Variants in MAOB observed in about 807,000 individuals in gnomAD.
MAOB encodes the protein monoamine oxidase B.
A neutral mutation model predicts 41.9 loss-of-function variants in MAOB; 15 were observed. The observed-to-expected ratio is 0.36, with a 90% CI of 0.24 to 0.55. The LOEUF is 0.55. Among genes scored for constraint, MAOB ranks in the 20% least tolerant of loss-of-function variants. The pLI is 0.86. For synonymous variants in MAOB, 167 were observed against 144.2 expected (o/e 1.16, Z -1.13); for missense variants, 345 against 398.7 (o/e 0.87, Z 1.15).
Position 43,780,368 on chromosome X carries a change from T to C in MAOB, c.1053A>G (p.Lys351=), listed in dbSNP as rs5952696. ...MGFILAHKAR[K]LARLTKEERL... is the part of the protein sequence containing the mutation. The stretch of plus-strand genomic sequence containing the variant: ...TTTCCTCTTTGGTAAGACGTGCCAG[T>C]TTTCTGGCTTTGTGGGCCAGGATAA... Residue 351 remains lysine (K), a synonymous_variant, in exon 10 of 15, where the codon AAA becomes AAG. Transcript: ENST00000378069. 5.5e-3 allele frequency: 6,623 copies of C among 1,201,969 alleles called. 259 individuals carry two copies. In the African/African-American group the frequency reaches 0.1, roughly 19 times the overall value.
intron 11 of MAOB, among the ~76,000 whole-genome samples, chrX:43,778,402 C>CCCAATG (rs2034287174): frequency 9.0e-6 from 1 of 110,727 alleles, no homozygotes; most frequent in African/African-American, 3.3e-5. Flanking sequence ...AGCAGAGTGA[C>CCCAATG]CCAATGCCCT....
At position 43,795,949 on chromosome X, in the gene MAOB, T is replaced by C; in HGVS notation, c.619-61A>G. ...GAATGGGCATAAATTGCTAAATTCTTAGTTGTCCTCACATATGTCTACTCT... is the reference window on the plus strand; with the variant it reads ...GAATGGGCATAAATTGCTAAATTCTCAGTTGTCCTCACATATGTCTACTCT... On this transcript the variant is annotated intron_variant, in intron 6 of 14. Coordinates refer to ENST00000378069, the MANE Select transcript of MAOB (RefSeq NM_000898.5). 3.6e-6 allele frequency: 4 copies of C among 1,115,455 alleles called. No individual in the cohort carries two copies. In the South Asian group the frequency reaches 8.6e-5, roughly 24 times the overall value. 91.9% of individuals were successfully genotyped at this position (1,115,455 alleles called of 1,213,427 possible). A position where few individuals can be genotyped will look rare whatever the true frequency, so the allele number is the denominator to read the frequency against.
chrX:43,857,104 TATATATATATATAGAGAG>T (rs2035296631), intron 1 of MAOB, among the ~76,000 whole-genome samples: 1 of 24,077 alleles, frequency 4.2e-5, no homozygotes, highest in Non-Finnish European at 6.7e-5. Context: ...TATATATATA[TATATATATATATAGAGAG>T]AGAGAGAGAG....
At chrX:43,818,564 T>G (rs1454350947) in intron 3 of MAOB, among the ~76,000 whole-genome samples, 4 of 112,057 alleles carry the variant, frequency 3.6e-5, no homozygotes, top group African/African-American at 9.7e-5. Context: ...CTACTCTACT[T>G]CAATATAATT....
chrX:43,845,990 C>A (rs2035198853), intron 1 of MAOB, among the ~76,000 whole-genome samples: 1 of 112,201 alleles, frequency 8.9e-6, no homozygotes, highest in Non-Finnish European at 1.9e-5. Context: ...CCATGCAGTG[C>A]ACACAAGCAT....
At chrX:43,875,053 T>C (rs2035431251) in intron 1 of MAOB, among the ~76,000 whole-genome samples, 1 of 112,242 alleles carries the variant, frequency 8.9e-6, no homozygotes, top group African/African-American at 3.2e-5. Context: ...GACTTGGCTT[T>C]CTGTATCTTT....
At chrX:43,819,714 G>A (rs1477683772) in intron 3 of MAOB, among the ~76,000 whole-genome samples, 1 of 111,899 alleles carries the variant, frequency 8.9e-6, no homozygotes, top group African/African-American at 3.3e-5. Flanking sequence ...TCTGACACAG[G>A]CTTAATGGGA....
chrX:43,819,729 A>G (rs1406788104), intron 3 of MAOB, among the ~76,000 whole-genome samples: 2 of 111,697 alleles, frequency 1.8e-5, no homozygotes, highest in African/African-American at 3.3e-5. Context: ...ATGGGACCTC[A>G]TTTGAGAATT....
intron 8 of MAOB, among the ~76,000 whole-genome samples, chrX:43,791,250 C>T (rs1284367458): frequency 2.7e-5 from 3 of 111,274 alleles, no homozygotes; most frequent in Non-Finnish European, 5.7e-5. Flanking sequence ...GGAAGAAGCA[C>T]CCTAAGCCAA....
At chrX:43,821,143 A>G (rs1410385029) in intron 3 of MAOB, among the ~76,000 whole-genome samples, 1 of 112,028 alleles carries the variant, frequency 8.9e-6, no homozygotes, top group African/African-American at 3.2e-5. Flanking sequence ...CCATAGGGCA[A>G]TTGCCTCCCT....
At chrX:43,828,946 C>T (rs1201816010) in intron 3 of MAOB, among the ~76,000 whole-genome samples, 2 of 111,722 alleles carry the variant, frequency 1.8e-5, no homozygotes, top group East Asian at 5.6e-4. Flanking sequence ...AAAGATGTTG[C>T]TTATTGTTAT....
rs778648151 is a variant in MAOB at position 43,819,182 on chromosome X, T to A, written c.280-15778A>T. Among the ~76,000 whole-genome samples the A allele has an allele frequency of 8.0e-5, 9 of 112,052 alleles. No individual in the cohort carries two copies. The East Asian group carries it at 2.5e-3, about 32-fold the overall frequency. On this transcript the variant is annotated intron_variant, in intron 3 of 14. Coordinates refer to ENST00000378069, the MANE Select transcript of MAOB (RefSeq NM_000898.5). The stretch of plus-strand genomic sequence containing the variant: ...GTGGTCAATGTGGCAGATGCTGTGA[T>A]GAGCTTGCACAGATTGCCCTTCAGA...
Position 43,767,543 on chromosome X carries a change from T to C in MAOB, c.1486A>G (p.Ile496Val), listed in dbSNP as rs1376063354. ...LPSVPGLLRL[I>V]GLTTIFSATA... ...GCTGAAAAGATGGTGGTCAATCCAA[T>C]CAGCCTGAGCAGGCCTGGCACGGAG... Residue 496 changes from isoleucine (I) to valine (V), a missense_variant, in exon 15 of 15, where the codon ATT becomes GTT. By Grantham distance (29) the Ile-to-Val change is conservative (BLOSUM62 3). Transcript: ENST00000378069. 8.3e-7 allele frequency: 1 copy of C among 1,210,683 alleles called. No individual in the cohort carries two copies. Among genetic ancestry groups the C allele is most frequent in the Admixed American group, 2.2e-5 (1 of 46,003 alleles).
At chrX:43,872,861 G>A (rs1009554480) in intron 1 of MAOB, among the ~76,000 whole-genome samples, 1 of 111,854 alleles carries the variant, frequency 8.9e-6, no homozygotes, top group Non-Finnish European at 1.9e-5. Context: ...AATTATGGAT[G>A]ATTTTCATTT....
chrX:43,844,006 T>C, intron 1 of MAOB: 4 of 768,193 alleles, frequency 5.2e-6, no homozygotes, highest in Non-Finnish European at 6.7e-6. Flanking sequence ...TGCCACTATA[T>C]CAAAATGTCT....
At chrX:43,867,103 G>A (rs1363792493) in intron 1 of MAOB, among the ~76,000 whole-genome samples, 1 of 112,468 alleles carries the variant, frequency 8.9e-6, no homozygotes, top group Non-Finnish European at 1.9e-5. Flanking sequence ...TCAGACAGAG[G>A]CCTTAAGTTC....
At chrX:43,857,520 A>G (rs994348283) in intron 1 of MAOB, among the ~76,000 whole-genome samples, 1 of 110,731 alleles carries the variant, frequency 9.0e-6, no homozygotes, top group African/African-American at 3.3e-5. Context: ...ATAAAATTAA[A>G]TCTTGCAGCA....
chrX:43,812,414 C>G (rs938135763), intron 3 of MAOB, among the ~76,000 whole-genome samples: 1 of 111,982 alleles, frequency 8.9e-6, no homozygotes, highest in African/African-American at 3.2e-5. Flanking sequence ...TTTTGAGGAA[C>G]TTCCAAATGG....
Position 43,781,527 on chromosome X carries a change from T to A in MAOB, c.946A>T (p.Ile316Phe). The A allele has an allele frequency of 8.5e-7, 1 of 1,181,078 alleles. No individual in the cohort carries two copies. The highest frequency in any genetic ancestry group is 1.1e-6 in the Non-Finnish European group (1 of 870,983). Residue 316 changes from isoleucine to phenylalanine, a missense_variant, in exon 9 of 15, where the codon ATT becomes TTT. Coordinates refer to ENST00000378069, the MANE Select transcript of MAOB (RefSeq NM_000898.5). The stretch of plus-strand genomic sequence containing the variant: ...ACTGGAGCTTCTTCTCCATCAATAA[T>A]CATGGTTCCACAGTAATCTTAGAGA... ...WRKKDYCGTM[I>F]IDGEEAPVAY...
Sources: gnomAD v4.1 joint callset for allele counts (sites outside exome capture counted in the v4.1 genomes callset) on GRCh38, gnomAD v4.1.1 for gene constraint, MANE v1.5 for transcripts, NCBI Gene and HGNC (gene_info 2026-07-23, HGNC 2026-07-21) for gene names.